The following ATP8B1 variants were observed in gnomAD, a reference collection of about 807,000 sequenced individuals.
The protein encoded by ATP8B1 is phospholipid-transporting ATPase IC.
ATP8B1 carries 80 observed loss-of-function variants against 149.9 expected under a neutral mutation model. That is an observed-to-expected ratio of 0.53 (90% CI 0.45 to 0.64). The LOEUF (loss-of-function observed/expected upper bound fraction) is 0.64. Among genes scored for constraint, ATP8B1 ranks in the 30% least tolerant of loss-of-function variants. ATP8B1 has a pLI of 0.00. For missense variants in ATP8B1, 1,247 were observed against 1,552.6 expected, an observed-to-expected ratio of 0.80 and a Z score of 3.31; for synonymous variants, 536 against 562.8, an observed-to-expected ratio of 0.95 and a Z score of 0.67.
chr18:57,682,296 G>T (rs1046088166), intron 15 of ATP8B1, among the ~76,000 whole-genome samples: 1 of 152,108 alleles, frequency 6.6e-6, no homozygotes, highest in African/African-American at 2.4e-5. Context: ...AAGCCACCGC[G>T]CCCAGCCCTG....
chr18:57,749,652 C>T (rs1386542333), intron 1 of ATP8B1, among the ~76,000 whole-genome samples: 3 of 152,160 alleles, frequency 2.0e-5, no homozygotes, highest in African/African-American at 7.2e-5. Context: ...GGAAACAGAG[C>T]TCACTGTCAT....
intron 15 of ATP8B1, among the ~76,000 whole-genome samples, chr18:57,678,389 C>T (rs749243200): frequency 8.7e-5 from 13 of 149,770 alleles, no homozygotes; most frequent in Admixed American, 1.3e-4. Flanking sequence ...AGTTTGAGAC[C>T]GGCCTGGCCA....
chr18:57,694,560 T>C, intron 11 of ATP8B1, 22 bp downstream of exon 11: 1 of 1,424,678 alleles, frequency 7.0e-7, no homozygotes, highest in Non-Finnish European at 9.9e-7. Flanking sequence ...ATGAGAGATC[T>C]ACTGAGATGA....
intron 27 of ATP8B1, 140 bp from the exon 28 acceptor site, chr18:57,648,852 T>TTGTG (rs1161789963): frequency 1.5e-4 from 85 of 557,452 alleles, no homozygotes; most frequent in African/African-American, 9.1e-4. Flanking sequence ...CTGTCCCCAC[T>TTGTG]TGTGTGTGTG....
At chr18:57,773,201 T>TAAAA (rs34028925) in intron 1 of ATP8B1, among the ~76,000 whole-genome samples, 1 of 139,452 alleles carries the variant, frequency 7.2e-6, no homozygotes, top group Non-Finnish European at 1.5e-5. Context: ...GACTCTGTCT[T>TAAAA]AAAAAAAAAA....
At position 57,648,561 on chromosome 18, in the gene ATP8B1, C is replaced by G; in HGVS notation, c.3683G>C (p.Arg1228Pro). Residue 1228 changes from arginine (R) to proline (P), a missense_variant, in exon 28 of 28, where the codon CGC becomes CCC. Arg to Pro is a moderately radical substitution (Grantham distance 103). Around this residue, in one of 3 missense-constraint regions of ATP8B1, gnomAD observed 164 missense variants for 160.3 expected, o/e 1.02. Coordinates refer to ENST00000648908, the MANE Select transcript of ATP8B1 (RefSeq NM_001374385.1). ...ADLISSGRSIRKKRSPLDAIV... is the reference protein window; with the variant it reads ...ADLISSGRSIPKKRSPLDAIV... ...GGCATCAAGCGGCGAGCGCTTCTTG[C>G]GGATGCTGCGCCCGGAGGAGATGAG... The G allele has an allele frequency of 1.2e-6, 2 of 1,611,454 alleles. No homozygotes were observed. The highest frequency in any genetic ancestry group is 1.7e-6 in the Non-Finnish European group (2 of 1,179,944).
intron 8 of ATP8B1, among the ~76,000 whole-genome samples, chr18:57,696,292 G>C (rs1312918098): frequency 6.6e-6 from 1 of 152,138 alleles, no homozygotes; most frequent in Non-Finnish European, 1.5e-5. Flanking sequence ...CGCGGCTCAC[G>C]CATGTAATGG....
intron 22 of ATP8B1, among the ~76,000 whole-genome samples, chr18:57,658,553 A>G (rs1250431853): frequency 6.6e-6 from 1 of 152,088 alleles, no homozygotes; most frequent in Non-Finnish European, 1.5e-5. Context: ...CTAAACGTGA[A>G]TGTTAGCAAA....
intron 1 of ATP8B1, among the ~76,000 whole-genome samples, chr18:57,794,928 G>A (rs543927296): frequency 6.6e-6 from 1 of 152,278 alleles, no homozygotes; most frequent in South Asian, 2.1e-4. Context: ...CACATTCCCT[G>A]CATTCTTATT....
At chr18:57,794,461 AT>A (rs2080491477) in intron 1 of ATP8B1, among the ~76,000 whole-genome samples, 1 of 117,804 alleles carries the variant, frequency 8.5e-6, no homozygotes. Context: ...ACAACCTGAC[AT>A]TAAAAAAAAA....
chr18:57,697,501 C>CAGAGGCA (rs1912876982), intron 8 of ATP8B1, 117 bp downstream of exon 8: 1 of 1,025,860 alleles, frequency 9.7e-7, no homozygotes, highest in Non-Finnish European at 1.5e-6. Context: ...GGGACAGCAG[C>CAGAGGCA]AGGTGGCAGA....
intron 1 of ATP8B1, among the ~76,000 whole-genome samples, chr18:57,792,513 G>T (rs1425697553): frequency 1.3e-5 from 2 of 152,030 alleles, no homozygotes; most frequent in African/African-American, 4.8e-5. Flanking sequence ...CATATCATAC[G>T]ATTCCATTTA....
rs151126298 is a variant in ATP8B1 at position 57,665,093 on chromosome 18, G to C, written c.2285+1999C>G. 2.8e-3 allele frequency among the ~76,000 whole-genome samples: 429 copies of C among 151,464 alleles called. 2 individuals carry two copies. Among genetic ancestry groups the C allele is most frequent in the African/African-American group, 9.5e-3 (394 of 41,322 alleles). The stretch of plus-strand genomic sequence containing the variant: ...CAAGTGTCTCTGGACAGTGCCAAAG[G>C]GTCCCTGGAAGGCAAACTCACTCCC... On this transcript the variant is annotated intron_variant, in intron 20 of 27. Coordinates refer to ENST00000648908, the MANE Select transcript of ATP8B1 (RefSeq NM_001374385.1).
At chr18:57,757,413 C>A (rs1320496555) in intron 1 of ATP8B1, among the ~76,000 whole-genome samples, 1 of 152,158 alleles carries the variant, frequency 6.6e-6, no homozygotes, top group Admixed American at 6.5e-5. Context: ...TAATAGAGAC[C>A]AAGATCTTGG....
At chr18:57,743,998 T>C (rs2079941653) in intron 1 of ATP8B1, among the ~76,000 whole-genome samples, 1 of 152,234 alleles carries the variant, frequency 6.6e-6, no homozygotes, top group South Asian at 2.1e-4. Context: ...ACTCAGTGCA[T>C]GAATCTAGCC....
chr18:57,778,063 CA>C (rs1347727926), intron 1 of ATP8B1, among the ~76,000 whole-genome samples: 3 of 152,180 alleles, frequency 2.0e-5, no homozygotes, highest in African/African-American at 7.2e-5. Context: ...TGGTCAACAA[CA>C]GAAGCATTTA....
chr18:57,747,014 G>A (rs1321357847), intron 1 of ATP8B1, among the ~76,000 whole-genome samples: 1 of 152,192 alleles, frequency 6.6e-6, no homozygotes, highest in Non-Finnish European at 1.5e-5. Flanking sequence ...AGGATGGTGA[G>A]CTGCATGAAA....
intron 2 of ATP8B1, among the ~76,000 whole-genome samples, chr18:57,714,589 A>AGG (rs35810334): frequency 1.6e-5 from 2 of 122,916 alleles, no homozygotes; most frequent in Non-Finnish European, 3.6e-5. Context: ...GAGAGGAGGG[A>AGG]GGGGGGAAGG....
At chr18:57,777,903 G>A (rs116799792) in intron 1 of ATP8B1, among the ~76,000 whole-genome samples, 6 of 152,228 alleles carry the variant, frequency 3.9e-5, no homozygotes, top group East Asian at 1.9e-4. Context: ...TGTACCTTTC[G>A]AAGGTTGTAC....
Sources: gnomAD v4.1 joint callset for allele counts (sites outside exome capture counted in the v4.1 genomes callset) on GRCh38, gnomAD v4.1.1 for gene constraint, gnomAD v4.1.1 regional missense constraint, MANE v1.5 for transcripts, NCBI Gene and HGNC (gene_info 2026-07-23, HGNC 2026-07-21) for gene names.